The following DNAH11 variants were observed in gnomAD, a reference collection of about 807,000 sequenced individuals.
The protein encoded by DNAH11 is axonemal beta dynein heavy chain 11.
A neutral mutation model predicts 526.0 loss-of-function variants in DNAH11; 442 were observed. The ratio of observed to expected loss-of-function variants is 0.84; its 90% CI spans 0.78 to 0.91. The LOEUF (loss-of-function observed/expected upper bound fraction) is 0.91. DNAH11 is among the 40% of genes least tolerant of loss of function. DNAH11 has a pLI of 0.00. For missense variants in DNAH11, 6,989 were observed against 5,448.7 expected, an observed-to-expected ratio of 1.28 and a Z score of -8.90; for synonymous variants, 2,461 against 1,935.9, an observed-to-expected ratio of 1.27 and a Z score of -7.12.
At chr7:21,583,013 A>C (rs1784368094) in intron 9 of DNAH11, among the ~76,000 whole-genome samples, 1 of 152,206 alleles carries the variant, frequency 6.6e-6, no homozygotes, top group African/African-American at 2.4e-5. Flanking sequence ...CATACTGCTC[A>C]AAGTAATTTA....
intron 65 of DNAH11, among the ~76,000 whole-genome samples, chr7:21,837,889 C>T (rs146623947): frequency 7.2e-5 from 11 of 152,200 alleles, no homozygotes; most frequent in African/African-American, 2.6e-4. Context: ...ATGCTAAATA[C>T]CATGATTTGA....
At chr7:21,649,722 A>G (rs7801222) in intron 28 of DNAH11, among the ~76,000 whole-genome samples, 60,264 of 150,366 alleles carry the variant, frequency 0.4, 13,196 homozygotes, top group Non-Finnish European at 0.5. Flanking sequence ...CTGGAGTGCA[A>G]TAGTGCAATC....
chr7:21,859,396 G>T (rs190433074), intron 68 of DNAH11, among the ~76,000 whole-genome samples: 5 of 152,330 alleles, frequency 3.3e-5, no homozygotes, highest in Admixed American at 2.6e-4. Context: ...TTACAGGCAT[G>T]AGCCACAAGC....
intron 8 of DNAH11, among the ~76,000 whole-genome samples, chr7:21,580,660 C>T (rs913481608): frequency 6.6e-6 from 1 of 152,196 alleles, no homozygotes; most frequent in African/African-American, 2.4e-5. Flanking sequence ...CATGTCCTTA[C>T]TTGGTGGAAG....
intron 75 of DNAH11, among the ~76,000 whole-genome samples, chr7:21,881,146 T>C (rs1323141209): frequency 6.6e-6 from 1 of 152,176 alleles, no homozygotes; most frequent in Non-Finnish European, 1.5e-5. Flanking sequence ...AAAAATGTCC[T>C]TCATTATGTT....
At chr7:21,867,105 A>G (rs1245877001) in intron 71 of DNAH11, among the ~76,000 whole-genome samples, 3 of 152,200 alleles carry the variant, frequency 2.0e-5, no homozygotes, top group Admixed American at 6.5e-5. Flanking sequence ...TTTACAACCA[A>G]TGCAGTTTCA....
In DNAH11 at chr7:21,807,968, T is replaced by A. The variant is rs1304265986; in HGVS notation, c.10251T>A (p.Phe3417Leu). 3.7e-6 allele frequency: 6 copies of A among 1,608,180 alleles called. No individual in the cohort carries two copies. The highest frequency in any genetic ancestry group is 5.1e-6 in the Non-Finnish European group (6 of 1,176,446). The change falls in exon 63 of 82, where the codon TTT becomes TTA. Residue 3417 changes from phenylalanine (F) to leucine (L), a missense_variant. Transcript: ENST00000409508. Reference protein sequence around the residue: ...LCGDVLLTAAFVSYVGPFTRQ... With the variant: ...LCGDVLLTAALVSYVGPFTRQ... Reference sequence around the variant, plus strand: ...GAGATGTTCTTCTCACGGCGGCATTTGTGTCTTACGTCGGACCCTTCACAA... The same window carrying A: ...GAGATGTTCTTCTCACGGCGGCATTAGTGTCTTACGTCGGACCCTTCACAA...
In DNAH11 at chr7:21,852,392, G is replaced by A. The variant is rs1782675628; in HGVS notation, c.10897-75G>A. ...ACTGTACTCCAGCCTGGGCGACAGA[G>A]CAAGACTTCCTCTAAAAAAAAAAAA... On this transcript the variant is annotated intron_variant, in intron 66 of 81. Coordinates refer to ENST00000409508, the MANE Select transcript of DNAH11 (RefSeq NM_001277115.2). 4.4e-5 allele frequency: 63 copies of A among 1,432,374 alleles called. No homozygotes were observed. The South Asian group carries it at 8.2e-4, about 19-fold the overall frequency. The allele number at this position is 1,432,374 out of a possible 1,614,324, so 88.7% of individuals were successfully genotyped here.
chr7:21,570,704 A>G (rs1478392897), intron 7 of DNAH11: 1 of 154,416 alleles, frequency 6.5e-6, no homozygotes, highest in African/African-American at 2.4e-5. Context: ...AATTTAAATT[A>G]TCACACTTTT....
chr7:21,854,434 C>T lies in DNAH11; in HGVS notation c.11181C>T (p.Pro3727=). Residue 3727 remains proline (P), a synonymous_variant, in exon 68 of 82, where the codon CCC becomes CCT. Coordinates refer to ENST00000409508, the MANE Select transcript of DNAH11 (RefSeq NM_001277115.2). ...TTAATGACCTCCAAAAAATCAACCC[C>T]CTCTACCAATTCTCTTTGAAGGTAA... The part of the protein sequence containing the change: ...FVINDLQKIN[P]LYQFSLKAFN... 6.2e-7 allele frequency: 1 copy of T among 1,613,732 alleles called. No individual in the cohort carries two copies. The highest frequency in any genetic ancestry group is 1.7e-5 in the Admixed American group (1 of 60,006).
At chr7:21,719,197 G>A (rs1222061197) in intron 43 of DNAH11, among the ~76,000 whole-genome samples, 1 of 152,110 alleles carries the variant, frequency 6.6e-6, no homozygotes, top group Non-Finnish European at 1.5e-5. Flanking sequence ...TTAAGCTGTT[G>A]TTTTATAGAG....
At chr7:21,793,322 A>G (rs1476032479) in intron 61 of DNAH11, among the ~76,000 whole-genome samples, 1 of 152,198 alleles carries the variant, frequency 6.6e-6, no homozygotes, top group Non-Finnish European at 1.5e-5. Context: ...TGTGCTGATG[A>G]AAAGAATTTG....
intron 54 of DNAH11, among the ~76,000 whole-genome samples, chr7:21,763,868 C>A (rs139906030): frequency 3.3e-5 from 5 of 149,906 alleles, no homozygotes; most frequent in Non-Finnish European, 7.4e-5. Flanking sequence ...ATCTATAAAA[C>A]AAAATCCTGT....
At chr7:21,811,851 T>G (rs1789536159) in intron 63 of DNAH11, among the ~76,000 whole-genome samples, 1 of 152,124 alleles carries the variant, frequency 6.6e-6, no homozygotes, top group African/African-American at 2.4e-5. Context: ...ATCAAAGAGT[T>G]GGGTACAGGA....
chr7:21,813,014 G>C (rs749709569), intron 63 of DNAH11, among the ~76,000 whole-genome samples: 14 of 152,120 alleles, frequency 9.2e-5, no homozygotes, highest in Non-Finnish European at 1.8e-4. Flanking sequence ...ATGGGGGAAG[G>C]GTTGTCAGAA....
intron 2 of DNAH11, among the ~76,000 whole-genome samples, chr7:21,551,221 C>A (rs1198285620): frequency 6.6e-6 from 1 of 152,152 alleles, no homozygotes; most frequent in African/African-American, 2.4e-5. Flanking sequence ...AAACTAGGGC[C>A]TTAATACTAC....
chr7:21,585,295 T>C (rs189390488), intron 9 of DNAH11, among the ~76,000 whole-genome samples: 177 of 152,182 alleles, frequency 1.2e-3, no homozygotes, highest in Admixed American at 2.9e-3. Context: ...AGTAATGAAA[T>C]AACATGCTGA....
intron 28 of DNAH11, among the ~76,000 whole-genome samples, chr7:21,653,885 G>A (rs9639384): frequency 0.56 from 84,796 of 152,024 alleles, 24,604 homozygotes; most frequent in Admixed American, 0.7. Context: ...GAAGTTCCTT[G>A]CCAATATTGG....
chr7:21,749,941 A>C, intron 53 of DNAH11, 140 bp downstream of exon 53: 2 of 1,324,314 alleles, frequency 1.5e-6, no homozygotes, highest in Non-Finnish European at 1.0e-6. Context: ...AACCTAACTA[A>C]TTTGAGGTGT....
Sources: allele counts gnomAD v4.1 joint callset (sites outside exome capture counted in the v4.1 genomes callset), GRCh38; gene constraint gnomAD v4.1.1; transcripts MANE v1.5; gene names NCBI Gene and HGNC (gene_info 2026-07-23, HGNC 2026-07-21).